The following WNT9B variants were observed in gnomAD, a reference collection of about 807,000 sequenced individuals.
WNT9B encodes the protein protein Wnt-9b.
WNT9B carries 12 observed loss-of-function variants against 30.2 expected under a neutral mutation model. The ratio of observed to expected loss-of-function variants is 0.40; its 90% CI spans 0.26 to 0.64. WNT9B has a LOEUF of 0.64. WNT9B is among the 30% of genes least tolerant of loss of function. WNT9B has a pLI of 0.42. For synonymous variants in WNT9B, 218 were observed against 216.9 expected, an observed-to-expected ratio of 1.01 and a Z score of -0.05; for missense variants, 442 against 485.2, an observed-to-expected ratio of 0.91 and a Z score of 0.84.
intron 1 of WNT9B, among the ~76,000 whole-genome samples, chr17:46,861,940 G>A (rs1366579893): frequency 6.6e-6 from 1 of 152,134 alleles, no homozygotes; most frequent in Non-Finnish European, 1.5e-5. Flanking sequence ...GAGGCAGGTG[G>A]ATCACCTGAG....
intron 1 of WNT9B, among the ~76,000 whole-genome samples, chr17:46,860,860 T>A (rs1425326335): frequency 1.3e-5 from 2 of 151,888 alleles, no homozygotes; most frequent in Non-Finnish European, 2.9e-5. Context: ...AAATTTCACT[T>A]TTTTTTTATT....
intron 1 of WNT9B, among the ~76,000 whole-genome samples, chr17:46,859,648 T>C (rs984345963): frequency 6.6e-6 from 1 of 152,222 alleles, no homozygotes; most frequent in Non-Finnish European, 1.5e-5. Flanking sequence ...CTGTGCACTA[T>C]TTTTTCGAAA....
chr17:46,843,048 A>G lies in WNT9B; in HGVS notation c.95+9608A>G, dbSNP rs568386486. 2.0e-5 allele frequency among the ~76,000 whole-genome samples: 3 copies of G among 152,322 alleles called. No individual in the cohort carries two copies. In the South Asian group the frequency reaches 6.2e-4, roughly 32 times the overall value. ...TTGTTGCTAGTGACTCCTATTGGAGACATGTGGTATTGCAACCAGGCCACA... is the reference window on the plus strand; with the variant it reads ...TTGTTGCTAGTGACTCCTATTGGAGGCATGTGGTATTGCAACCAGGCCACA... On this transcript the variant is annotated intron_variant, in intron 1 of 2. Coordinates refer to the WNT9B transcript ENST00000575372.
intron 1 of WNT9B, among the ~76,000 whole-genome samples, chr17:46,852,717 T>C (rs2084874803): frequency 6.6e-6 from 1 of 152,066 alleles, no homozygotes; most frequent in African/African-American, 2.4e-5. Flanking sequence ...TGCCTCCTTT[T>C]AAAATCTTCA....
chr17:46,861,336 C>T (rs1358355587), intron 1 of WNT9B, among the ~76,000 whole-genome samples: 1 of 152,188 alleles, frequency 6.6e-6, no homozygotes, highest in Non-Finnish European at 1.5e-5. Flanking sequence ...CCCACAGTCT[C>T]TAGCAGTGCT....
chr17:46,837,966 C>T (rs575021473), intron 1 of WNT9B, among the ~76,000 whole-genome samples: 1 of 152,122 alleles, frequency 6.6e-6, no homozygotes, highest in Non-Finnish European at 1.5e-5. Context: ...GGGTGGGTGG[C>T]GTTTTCCACG....
At chr17:46,839,974 TTCTC>T (rs1217127473) in intron 1 of WNT9B, among the ~76,000 whole-genome samples, 2 of 137,854 alleles carry the variant, frequency 1.5e-5, no homozygotes, top group Admixed American at 7.5e-5. Flanking sequence ...CTTTCTTTCT[TTCTC>T]TTCTTTCTTT....
At chr17:46,851,376 T>G (rs1353296479), upstream of WNT9B, among the ~76,000 whole-genome samples, 6 of 141,260 alleles carry the variant, frequency 4.2e-5, no homozygotes, top group African/African-American at 7.6e-5. The surrounding 1 kb of genome is among the most constrained non-coding windows in gnomAD (Gnocchi z 4.3). Flanking sequence ...AGCGCTCACC[T>G]GGGGCCGGAG....
chr17:46,860,179 A>C (rs1405854969), intron 1 of WNT9B, among the ~76,000 whole-genome samples: 1 of 152,056 alleles, frequency 6.6e-6, no homozygotes, highest in African/African-American at 2.4e-5. Flanking sequence ...TTGGGCTGAG[A>C]GTCATCCTAG....
At chr17:46,867,003 T>G (rs898270633) in intron 1 of WNT9B, among the ~76,000 whole-genome samples, 3 of 152,226 alleles carry the variant, frequency 2.0e-5, no homozygotes, top group Non-Finnish European at 4.4e-5. Flanking sequence ...ACAGGCAGGA[T>G]GGGACTGGTC....
chr17:46,869,824 C>T (rs1317092201), intron 1 of WNT9B, among the ~76,000 whole-genome samples: 2 of 151,916 alleles, frequency 1.3e-5, no homozygotes, highest in African/African-American at 4.8e-5. Context: ...CATGGTGAAA[C>T]CCCGTCTCTA....
chr17:46,846,539 C>T (rs1445342099), intron 1 of WNT9B, among the ~76,000 whole-genome samples: 1 of 152,206 alleles, frequency 6.6e-6, no homozygotes, highest in Non-Finnish European at 1.5e-5. Flanking sequence ...GTTGTAGAAC[C>T]AATGTGGTGA....
At chr17:46,843,165 G>A (rs965554708) in intron 1 of WNT9B, among the ~76,000 whole-genome samples, 3 of 152,192 alleles carry the variant, frequency 2.0e-5, no homozygotes, top group African/African-American at 7.2e-5. Flanking sequence ...TATTAATATC[G>A]GAGCTGGGGG....
At chr17:46,866,323 A>G (rs1367566529) in intron 1 of WNT9B, among the ~76,000 whole-genome samples, 1 of 152,084 alleles carries the variant, frequency 6.6e-6, no homozygotes, top group Admixed American at 6.5e-5. Context: ...TTGGGAGCGG[A>G]GAGCACAGGA....
chr17:46,857,918 A>G (rs892923397), intron 1 of WNT9B, among the ~76,000 whole-genome samples: 7 of 118,018 alleles, frequency 5.9e-5, no homozygotes, highest in Admixed American at 2.6e-4. Context: ...TTCTTTATGT[A>G]TTTTGTTGTT....
Position 46,876,895 on chromosome 17 carries a change from G to C in WNT9B, c.*177G>C, listed in dbSNP as rs895593552. On this transcript the variant is annotated 3_prime_UTR_variant, in exon 4 of 4. Transcript: ENST00000290015. ...CCTTGGCCAGCCTTTTGCCTCCCTC[G>C]ATACTCAACAAAGAGAAGCAAAGCC... is the stretch of plus-strand genomic sequence containing the variant. The C allele has an allele frequency of 7.3e-7, 1 of 1,378,946 alleles. No homozygotes were observed. The highest frequency in any genetic ancestry group is 1.5e-5 in the African/African-American group (1 of 68,756). The allele number at this position is 1,378,946 out of a possible 1,614,324, so 85.4% of individuals were successfully genotyped here.
At chr17:46,880,683 G>A (rs1486794401), downstream of WNT9B, among the ~76,000 whole-genome samples, 1 of 152,178 alleles carries the variant, frequency 6.6e-6, no homozygotes, top group Non-Finnish European at 1.5e-5. Context: ...AGTGGGGCCA[G>A]GATTGGAACA....
At chr17:46,854,942 G>C (rs2084914756) in intron 1 of WNT9B, among the ~76,000 whole-genome samples, 1 of 152,176 alleles carries the variant, frequency 6.6e-6, no homozygotes, top group African/African-American at 2.4e-5. Flanking sequence ...TTACAGGCAT[G>C]AGCTACCATG....
Position 46,839,957 on chromosome 17 carries a change from TTTCTTTC to T in WNT9B, c.95+6520_95+6526del, listed in dbSNP as rs1457790488. Among the ~76,000 whole-genome samples, 14 of 142,398 alleles carry T rather than the reference TTTCTTTC, an allele frequency of 9.8e-5. No homozygotes were observed. In the South Asian group the frequency reaches 2.9e-3, roughly 29 times the overall value. 93.4% of individuals were successfully genotyped at this position (142,398 alleles called of 152,430 possible). A position where few individuals can be genotyped will look rare whatever the true frequency, so the allele number is the denominator to read the frequency against. Reference sequence around the variant, plus strand: ...CTTTCTTTCTTTCTTTCTTTCTTTCTTTCTTTCTTTCTTTCTTTCTCTTCTTTCTTTC... The same window carrying T: ...CTTTCTTTCTTTCTTTCTTTCTTTCTTTTCTTTCTTTCTCTTCTTTCTTTC... On this transcript the variant is annotated intron_variant, in intron 1 of 2. Coordinates refer to the WNT9B transcript ENST00000575372.
Sources: allele counts gnomAD v4.1 joint callset (sites outside exome capture counted in the v4.1 genomes callset), GRCh38; gene constraint gnomAD v4.1.1; non-coding constraint Gnocchi (gnomAD v3.1); transcripts MANE v1.5; gene names NCBI Gene and HGNC (gene_info 2026-07-23, HGNC 2026-07-21).